The following NRG3 variants were observed in gnomAD, a reference collection of about 807,000 sequenced individuals.
The protein encoded by NRG3 is pro-neuregulin-3, membrane-bound isoform.
NRG3 carries 31 observed loss-of-function variants against 66.9 expected under a neutral mutation model. The ratio of observed to expected loss-of-function variants is 0.46; its 90% CI spans 0.35 to 0.63. NRG3 has a LOEUF of 0.63. NRG3 is among the 20% of genes least tolerant of loss of function. NRG3 has a pLI of 0.00. For synonymous variants in NRG3, 393 were observed against 359.4 expected (o/e 1.09, Z -1.06); for missense variants, 910 against 878.9 (o/e 1.04, Z -0.45).
intron 4 of NRG3, among the ~76,000 whole-genome samples, chr10:82,887,648 A>G (rs1842837219): frequency 1.3e-5 from 2 of 152,038 alleles, no homozygotes; most frequent in Middle Eastern, 3.2e-3. Context: ...ACAGACAATT[A>G]AAGGAAGGTA....
intron 7 of NRG3, among the ~76,000 whole-genome samples, chr10:82,976,230 A>G (rs1372724061): frequency 6.6e-6 from 1 of 151,840 alleles, no homozygotes; most frequent in Non-Finnish European, 1.5e-5. Flanking sequence ...TAATTTTTAT[A>G]TTTTTAGTAG....
chr10:82,543,944 G>T (rs957755861), intron 2 of NRG3, among the ~76,000 whole-genome samples: 2 of 152,186 alleles, frequency 1.3e-5, no homozygotes, highest in Admixed American at 6.5e-5. Context: ...AGACTTCTGA[G>T]AAATTGTCAA....
chr10:81,995,820 C>G (rs969792755), intron 1 of NRG3, among the ~76,000 whole-genome samples: 2 of 152,146 alleles, frequency 1.3e-5, no homozygotes, highest in African/African-American at 4.8e-5. Context: ...TTCATCAGTA[C>G]CTTTTCTAGA....
At position 82,185,855 on chromosome 10, in the gene NRG3, TA is replaced by T. The variant is rs2073770395; in HGVS notation, c.824-172883del. 2.6e-5 allele frequency among the ~76,000 whole-genome samples: 4 copies of T among 152,328 alleles called. No homozygotes were observed. The South Asian group carries it at 8.3e-4, about 32-fold the overall frequency. ...AAAAATTAATGAAACAAGTTCGAGT[TA>T]GGTTTATCATTCAATCTAAAGAGTT... On this transcript the variant is annotated intron_variant, in intron 1 of 8. Coordinates refer to ENST00000372141, the MANE Select transcript of NRG3 (RefSeq NM_001010848.4).
At chr10:81,957,708 G>A (rs1849975654) in intron 1 of NRG3, among the ~76,000 whole-genome samples, 1 of 152,190 alleles carries the variant, frequency 6.6e-6, no homozygotes, top group Non-Finnish European at 1.5e-5. Context: ...CAGGAATGAA[G>A]AGTTGGGAAT....
chr10:82,357,667 G>C (rs1026914399), intron 1 of NRG3, among the ~76,000 whole-genome samples: 1 of 151,978 alleles, frequency 6.6e-6, no homozygotes, highest in Non-Finnish European at 1.5e-5. Context: ...CATCATGGGG[G>C]CCTCACCCTG....
At chr10:82,751,886 T>C (rs991859109) in intron 3 of NRG3, among the ~76,000 whole-genome samples, 5 of 152,088 alleles carry the variant, frequency 3.3e-5, no homozygotes, top group African/African-American at 1.2e-4. Flanking sequence ...TTTTCTTAGC[T>C]TTTGTTTGTT....
intron 1 of NRG3, among the ~76,000 whole-genome samples, chr10:81,879,515 G>A (rs939733085): frequency 2.0e-5 from 3 of 152,140 alleles, no homozygotes; most frequent in Admixed American, 6.5e-5. Context: ...GTGGTAGCCC[G>A]GAGTCATTGG....
At chr10:82,663,975 C>T (rs17100442) in intron 2 of NRG3, among the ~76,000 whole-genome samples, 19,522 of 152,186 alleles carry the variant, frequency 0.13, 1,360 homozygotes, top group Middle Eastern at 0.28. Flanking sequence ...CTTGGATCAA[C>T]GAACTGGGCA....
At chr10:82,799,630 A>C (rs980524574) in intron 3 of NRG3, 2 of 152,096 alleles carry the variant, frequency 1.3e-5, no homozygotes, top group African/African-American at 4.8e-5. Flanking sequence ...GGCAGAAGCC[A>C]TGTAGCATTT....
chr10:82,867,496 G>A (rs536177315), intron 4 of NRG3, among the ~76,000 whole-genome samples: 1 of 152,282 alleles, frequency 6.6e-6, no homozygotes, highest in East Asian at 1.9e-4. Flanking sequence ...TGTGTGAATG[G>A]CATAAACTTT....
At chr10:82,732,399 G>T (rs1366773681) in intron 2 of NRG3, among the ~76,000 whole-genome samples, 1 of 152,062 alleles carries the variant, frequency 6.6e-6, no homozygotes, top group African/African-American at 2.4e-5. Context: ...TCCTAATCCT[G>T]GGAAAGGTGG....
intron 1 of NRG3, among the ~76,000 whole-genome samples, chr10:82,317,479 A>G (rs1424410951): frequency 1.3e-5 from 2 of 152,110 alleles, no homozygotes; most frequent in East Asian, 1.9e-4. Context: ...AGAATTGTCT[A>G]TGTAGTTTCA....
At chr10:82,310,380 C>T (rs900242735) in intron 1 of NRG3, among the ~76,000 whole-genome samples, 3 of 152,070 alleles carry the variant, frequency 2.0e-5, no homozygotes, top group Admixed American at 6.6e-5. Context: ...CTGCAAATAA[C>T]GAATACCCCT....
chr10:82,964,950 C>T (rs1324062765), intron 6 of NRG3, among the ~76,000 whole-genome samples: 1 of 152,186 alleles, frequency 6.6e-6, no homozygotes, highest in African/African-American at 2.4e-5. Context: ...TTTCGGTGCA[C>T]CACCTACAAT....
At chr10:81,947,129 C>T (rs955240554) in intron 1 of NRG3, among the ~76,000 whole-genome samples, 1 of 152,114 alleles carries the variant, frequency 6.6e-6, no homozygotes, top group Admixed American at 6.6e-5. Flanking sequence ...TCAGCCAGTT[C>T]TTGGCTTGTG....
intron 2 of NRG3, among the ~76,000 whole-genome samples, chr10:82,366,533 A>G (rs1030380253): frequency 6.6e-6 from 1 of 152,116 alleles, no homozygotes; most frequent in Non-Finnish European, 1.5e-5. Context: ...TGCTTTTCTT[A>G]ACGACTCTTC....
At chr10:82,011,306 C>A (rs948915113) in intron 1 of NRG3, among the ~76,000 whole-genome samples, 1 of 152,126 alleles carries the variant, frequency 6.6e-6, no homozygotes, top group Non-Finnish European at 1.5e-5. Context: ...TTCACTATTA[C>A]AAGAACAGTA....
intron 1 of NRG3, among the ~76,000 whole-genome samples, chr10:82,287,356 C>T (rs1349049433): frequency 1.3e-5 from 2 of 151,966 alleles, no homozygotes; most frequent in Non-Finnish European, 2.9e-5. Flanking sequence ...TCCCTGAGGC[C>T]TCCCCAGAAG....
Sources: gnomAD v4.1 joint callset for allele counts (sites outside exome capture counted in the v4.1 genomes callset) on GRCh38, gnomAD v4.1.1 for gene constraint, MANE v1.5 for transcripts, NCBI Gene and HGNC (gene_info 2026-07-23, HGNC 2026-07-21) for gene names.